MINK1: variants seen among roughly 807,000 people sequenced by gnomAD.
The protein encoded by MINK1 is misshapen-like kinase 1.
A neutral mutation model predicts 178.4 loss-of-function variants in MINK1; 46 were observed. That is an observed-to-expected ratio of 0.26 (90% CI 0.20 to 0.33). MINK1 has a LOEUF of 0.33. MINK1 is among the 10% of genes least tolerant of loss of function. The pLI, the probability that MINK1 is intolerant of heterozygous loss-of-function variation, is 1.00. For synonymous variants in MINK1, 797 were observed against 709.7 expected, an observed-to-expected ratio of 1.12 and a Z score of -1.96; for missense variants, 1,366 against 1,814.9, an observed-to-expected ratio of 0.75 and a Z score of 4.49.
chr17:4,891,160 CAGGG>C, intron 15 of MINK1, 36 bp downstream of exon 15: 5 of 1,464,816 alleles, frequency 3.4e-6, no homozygotes, highest in Non-Finnish European at 4.5e-6. Context: ...AATGAAGACA[CAGGG>C]AGCTTTGTTC....
Position 4,896,617 on chromosome 17 carries a change from A to C in MINK1, c.3775+29A>C. ...AGTGAGCTGCCGCCCTCCCAGCCAC[A>C]TGCCCCGAGGTGGCCCCGGGGTGCA... is the stretch of plus-strand genomic sequence containing the variant. On this transcript the variant is annotated intron_variant, in intron 30 of 31. Transcript: ENST00000355280. This position sits in a 1 kb window ranked among gnomAD's most constrained non-coding sequence, Gnocchi z 4.6. The C allele has an allele frequency of 6.2e-7, 1 of 1,612,918 alleles. No homozygotes were observed. The highest frequency in any genetic ancestry group is 8.5e-7 in the Non-Finnish European group (1 of 1,179,238).
At chr17:4,884,175 T>A (rs1165278879) in intron 4 of MINK1, among the ~76,000 whole-genome samples, 188 bp from the exon 5 acceptor site, 2 of 152,218 alleles carry the variant, frequency 1.3e-5, no homozygotes, top group East Asian at 3.9e-4. Context: ...CCTTTTTCCC[T>A]CTCTGTCTTG....
intron 1 of MINK1, among the ~76,000 whole-genome samples, chr17:4,841,755 G>C (rs1045854688): frequency 7.2e-5 from 11 of 152,212 alleles, no homozygotes; most frequent in Admixed American, 2.6e-4. Context: ...ATGGATCTAA[G>C]TATGTCTGTG....
chr17:4,887,181 T>C lies in MINK1; in HGVS notation c.1019+2T>C. ...CCATGGAGAGGAAGGAGAGCCAAGG[T>C]AGGCCTGGCAGGTGGAGTGGGGGTT... is the stretch of plus-strand genomic sequence containing the variant. On this transcript the variant is annotated splice_donor_variant, in intron 11 of 31. Transcript: ENST00000355280. LOFTEE classifies it high-confidence loss of function. The surrounding 1 kb of genome is among the most constrained non-coding windows in gnomAD (Gnocchi z 7.6). The C allele has an allele frequency of 6.3e-7, 1 of 1,599,686 alleles. No individual in the cohort carries two copies.
At chr17:4,872,792 T>C (rs1916009600) in intron 1 of MINK1, among the ~76,000 whole-genome samples, 1 of 152,060 alleles carries the variant, frequency 6.6e-6, no homozygotes, top group Admixed American at 6.6e-5. Context: ...AATCAACTCC[T>C]CAAACATCCA....
chr17:4,895,570 G>GA lies in MINK1; in HGVS notation c.3229+77_3229+78insA. On this transcript the variant is annotated intron_variant, in intron 26 of 31. Coordinates refer to ENST00000355280, the MANE Select transcript of MINK1 (RefSeq NM_153827.5). The surrounding 1 kb of genome is among the most constrained non-coding windows in gnomAD (Gnocchi z 4.3). ...GTCACCATCTTCTGCCTGGGAGGAG[G>GA]GCAGGCACTGGAAGGTGGGGCCACA... The GA allele has an allele frequency of 6.5e-7, 1 of 1,547,424 alleles. No individual in the cohort carries two copies. The highest frequency in any genetic ancestry group is 2.3e-5 in the East Asian group (1 of 43,900).
chr17:4,896,563 G>GTGCTGCAA lies in MINK1; in HGVS notation c.3752_3753insCTGCAATG (p.Trp1251CysfsTer19). ...GCATCATTAAGGATGTGGTGCTGCA[G>GTGCTGCAA]TGGGGGGAGATGCCTACTTCTGTGG... On this transcript the variant is annotated frameshift_variant, in exon 30 of 32. Transcript: ENST00000355280. LOFTEE classifies it high-confidence loss of function. The surrounding 1 kb of genome is among the most constrained non-coding windows in gnomAD (Gnocchi z 4.6). 1 of 1,613,970 alleles carries GTGCTGCAA rather than the reference G, an allele frequency of 6.2e-7. No homozygotes were observed. Among genetic ancestry groups the GTGCTGCAA allele is most frequent in the Non-Finnish European group, 8.5e-7 (1 of 1,179,864 alleles).
intron 1 of MINK1, among the ~76,000 whole-genome samples, chr17:4,839,354 G>T (rs1010293375): frequency 3.9e-5 from 6 of 152,190 alleles, no homozygotes; most frequent in African/African-American, 9.7e-5. Flanking sequence ...TCTGTGGTCA[G>T]TGGGCAGTCA....
At chr17:4,882,078 C>T (rs1044643502) in intron 4 of MINK1, among the ~76,000 whole-genome samples, 10 of 152,216 alleles carry the variant, frequency 6.6e-5, no homozygotes, top group Admixed American at 6.5e-4. Context: ...CTCATGCACA[C>T]AAAGAAAGGG....
At chr17:4,848,263 T>G (rs1248190847) in intron 1 of MINK1, among the ~76,000 whole-genome samples, 5 of 152,176 alleles carry the variant, frequency 3.3e-5, no homozygotes, top group Admixed American at 6.5e-5. Context: ...CATCGCTCCC[T>G]GCAACTGCAC....
chr17:4,891,714 A>G lies in MINK1; in HGVS notation c.1999A>G (p.Lys667Glu), dbSNP rs1221192790. 6.2e-7 allele frequency: 1 copy of G among 1,602,130 alleles called. No individual in the cohort carries two copies. Among genetic ancestry groups the G allele is most frequent in the Non-Finnish European group, 8.5e-7 (1 of 1,174,870 alleles). The stretch of plus-strand genomic sequence containing the variant: ...CCGCCCAGATAACGAGGCCCCACCC[A>G]AGGTAAGGACAGTTCTGCAGGCCCA... ...WVRPDNEAPPKVPQRTSSIAT... is the reference protein window; with the variant it reads ...WVRPDNEAPPEVPQRTSSIAT... Residue 667 changes from lysine (K) to glutamate (E), a missense_variant and splice_region_variant, in exon 16 of 32, where the codon AAG (lysine) becomes GAG (glutamate). Physicochemically the swap from Lys to Glu is moderately conservative, Grantham distance 56. This residue lies in a region of MINK1 where 709 missense variants were observed against 692.3 expected (regional missense o/e 1.02). Coordinates refer to ENST00000355280, the MANE Select transcript of MINK1 (RefSeq NM_153827.5).
chr17:4,875,921 G>A (rs573945274), intron 1 of MINK1, among the ~76,000 whole-genome samples: 3 of 150,872 alleles, frequency 2.0e-5, no homozygotes, highest in East Asian at 2.0e-4. Flanking sequence ...TCAGCCTCCC[G>A]AGTAGCTGTG....
intron 1 of MINK1, among the ~76,000 whole-genome samples, chr17:4,855,068 C>T (rs1169570342): frequency 1.3e-5 from 2 of 151,544 alleles, no homozygotes; most frequent in Non-Finnish European, 2.9e-5. Context: ...ATTAGCCGGG[C>T]GTGGTGGTGG....
chr17:4,846,292 A>T (rs926292669), intron 1 of MINK1, among the ~76,000 whole-genome samples: 8 of 152,212 alleles, frequency 5.3e-5, no homozygotes, highest in Non-Finnish European at 4.4e-5. Context: ...TCAAGGACTC[A>T]TGAGGTCTTT....
chr17:4,866,581 G>A (rs1281899634), intron 1 of MINK1, among the ~76,000 whole-genome samples: 2 of 148,656 alleles, frequency 1.3e-5, no homozygotes, highest in African/African-American at 5.0e-5. Context: ...ACCAAATTCT[G>A]AGCAACATAG....
Position 4,878,335 on chromosome 17 carries a change from G to C in MINK1, c.76G>C (p.Glu26Gln). ...CCCCTAGGACCCTGCTGGGATCTTT[G>C]AGCTTGTGGAGGTGGTCGGCAATGG... is the stretch of plus-strand genomic sequence containing the variant. ...SALRDPAGIF[E>Q]LVEVVGNGTY... The change falls in exon 2 of 32, where the codon GAG (glutamate) becomes CAG (glutamine). Residue 26 changes from glutamate to glutamine, a missense_variant. This residue lies in a region of MINK1 where 109 missense variants were observed against 369.4 expected (regional missense o/e 0.30). Coordinates refer to ENST00000355280, the MANE Select transcript of MINK1 (RefSeq NM_153827.5). 1 of 1,537,608 alleles carries C rather than the reference G, an allele frequency of 6.5e-7. No individual in the cohort carries two copies. Among genetic ancestry groups the C allele is most frequent in the Non-Finnish European group, 8.7e-7 (1 of 1,146,988 alleles).
At chr17:4,893,322 G>A (rs1376305015) in intron 20 of MINK1, 112 bp from the exon 21 acceptor site, 11 of 1,613,766 alleles carry the variant, frequency 6.8e-6, no homozygotes, top group South Asian at 1.1e-5. Context: ...TAGTGAGATG[G>A]GCCTGCTTGT....
In MINK1 at chr17:4,885,105, A is replaced by C; in HGVS notation, c.508+103A>C. 1.9e-6 allele frequency: 2 copies of C among 1,059,518 alleles called. No individual in the cohort carries two copies. Among genetic ancestry groups the C allele is most frequent in the Non-Finnish European group, 2.8e-6 (2 of 710,750 alleles). 65.6% of individuals were successfully genotyped at this position (1,059,518 alleles called of 1,614,324 possible). The stretch of plus-strand genomic sequence containing the variant: ...GTGGCTCAGGCCCAACTCCCTTCCT[A>C]CTGGGGAGGCTCACTCCCTCCCCTT... On this transcript the variant is annotated intron_variant, in intron 6 of 31. Transcript: ENST00000355280. This position sits in a 1 kb window ranked among gnomAD's most constrained non-coding sequence, Gnocchi z 5.0.
rs182818413 is a variant in MINK1, at chr17:4,893,544, G to A, written c.2511G>A (p.Glu837=). ...AGGTGGAAAGCAGTGAGGACGACGA[G>A]GAGGAAGGCGAAGGCGGGCCAGCAG... The part of the protein sequence containing the change: ...SEEVESSEDD[E]EEGEGGPAEG... The change falls in exon 21 of 32, where the codon GAG becomes GAA. Residue 837 remains glutamate, a synonymous_variant. Transcript: ENST00000355280. 3.1e-6 allele frequency: 5 copies of A among 1,593,266 alleles called. No homozygotes were observed. Among genetic ancestry groups the A allele is most frequent in the Middle Eastern group, 1.7e-4 (1 of 5,984 alleles).
Sources: allele counts gnomAD v4.1 joint callset (sites outside exome capture counted in the v4.1 genomes callset), GRCh38; gene constraint gnomAD v4.1.1; regional missense constraint gnomAD v4.1.1; non-coding constraint Gnocchi (gnomAD v3.1); transcripts MANE v1.5; gene names NCBI Gene and HGNC (gene_info 2026-07-23, HGNC 2026-07-21).